RNF122: variants seen among roughly 807,000 people sequenced by gnomAD.
RNF122 encodes ring finger protein 122.
A neutral mutation model predicts 24.2 loss-of-function variants in RNF122; 17 were observed. The ratio of observed to expected loss-of-function variants is 0.70; its 90% CI spans 0.48 to 1.06. The LOEUF is 1.06. RNF122 is among the 50% of genes least tolerant of loss of function. RNF122 has a pLI of 0.00. For missense variants in RNF122, 168 were observed against 198.1 expected (o/e 0.85, Z 0.91); for synonymous variants, 65 against 71.8 (o/e 0.91, Z 0.48).
chr8:33,551,245 G>A, intron 3 of RNF122, 99 bp downstream of exon 3: 1 of 1,516,470 alleles, frequency 6.6e-7, no homozygotes, highest in East Asian at 2.3e-5. Flanking sequence ...GGTGAGGCCA[G>A]GGGGATTCCT....
intron 2 of RNF122, among the ~76,000 whole-genome samples, chr8:33,551,739 G>A (rs888682227): frequency 6.6e-6 from 1 of 152,180 alleles, no homozygotes; most frequent in Admixed American, 6.5e-5. Flanking sequence ...TTTACTGAGT[G>A]TGCGGAAGTT....
chr8:33,558,703 C>G lies in RNF122; in HGVS notation c.94G>C (p.Asp32His), dbSNP rs75557466. The G allele has an allele frequency of 2.5e-4, 405 of 1,612,546 alleles. 1 individual carries two copies. The African/African-American group carries it at 5.2e-3, about 21-fold the overall frequency. ...ACCATATAGATGTTGAGCGGAAGGT[C>G]CTGGAAACTGATGGGTGGCATCGAG... ...SCSMPPISFQ[D>H]LPLNIYMVIF... The change falls in exon 2 of 6, where the codon GAC (aspartate) becomes CAC (histidine). Residue 32 changes from aspartate (D) to histidine (H), a missense_variant. Coordinates refer to ENST00000256257, the MANE Select transcript of RNF122 (RefSeq NM_024787.3).
chr8:33,556,452 T>C (rs1183180885), intron 2 of RNF122, among the ~76,000 whole-genome samples: 6 of 152,134 alleles, frequency 3.9e-5, no homozygotes, highest in Admixed American at 3.9e-4. Context: ...TTGGCATGTG[T>C]ATGCTTCTGT....
chr8:33,563,192 G>A (rs564063247), intron 1 of RNF122, among the ~76,000 whole-genome samples: 4 of 151,554 alleles, frequency 2.6e-5, no homozygotes, highest in South Asian at 2.1e-4. Context: ...TCCAGTGTCC[G>A]GCCTAGCCTA....
intron 5 of RNF122, among the ~76,000 whole-genome samples, 181 bp downstream of exon 5, chr8:33,549,229 A>AAAAAAAAAAAAAG (rs1220867033): frequency 6.6e-6 from 1 of 152,068 alleles, no homozygotes; most frequent in African/African-American, 2.4e-5. Context: ...CTCAAAAAAA[A>AAAAAAAAAAAAAG]AAGAAGAATA....
At chr8:33,551,455 G>C in intron 2 of RNF122, 66 bp from the exon 3 acceptor site, 2 of 1,558,060 alleles carry the variant, frequency 1.3e-6, no homozygotes, top group Non-Finnish European at 8.8e-7. Flanking sequence ...AGGAGAGGCT[G>C]GCTGGCTGCT....
rs766310763 is a variant in RNF122 at position 33,549,495 on chromosome 8, G to A, written c.271-3C>T. The A allele has an allele frequency of 1.9e-6, 3 of 1,612,638 alleles. No individual in the cohort carries two copies. Among genetic ancestry groups the A allele is most frequent in the Non-Finnish European group, 2.5e-6 (3 of 1,178,672 alleles). ...TCCAGACAGACTGCGCAGGTCTGCT[G>A]CAGAGAGAAAAGAGCAGGTGTGTGA... On this transcript the variant is annotated splice_region_variant and splice_polypyrimidine_tract_variant and intron_variant, in intron 4 of 5. Coordinates refer to ENST00000256257, the MANE Select transcript of RNF122 (RefSeq NM_024787.3).
In RNF122 at chr8:33,551,382, G is replaced by A. The variant is rs1222433414; in HGVS notation, c.190C>T (p.Arg64Trp). ...IFCCYFISKL[R>W]NQAQSERYGY... The stretch of plus-strand genomic sequence containing the variant: ...TATCGCTCACTCTGTGCCTGGTTCC[G>A]CAGTTTGCTGGGAGAAAGAGAAAAA... The change falls in exon 3 of 6, where the codon CGG becomes TGG. Residue 64 changes from arginine to tryptophan, a missense_variant. Physicochemically the swap from Arg to Trp is moderately radical, Grantham distance 101 (BLOSUM62 -3). Transcript: ENST00000256257. 26 of 1,613,964 alleles carry A rather than the reference G, an allele frequency of 1.6e-5. No individual in the cohort carries two copies. The highest frequency in any genetic ancestry group is 2.2e-5 in the East Asian group (1 of 44,900).
At chr8:33,549,318 G>T in intron 5 of RNF122, 92 bp downstream of exon 5, 1 of 1,014,144 alleles carries the variant, frequency 9.9e-7, no homozygotes, top group Non-Finnish European at 1.6e-6. Context: ...CGGATAAGGG[G>T]CAAATAGAAA....
chr8:33,551,466 T>C (rs1810374559), intron 2 of RNF122, 77 bp from the exon 3 acceptor site: 2 of 1,504,642 alleles, frequency 1.3e-6, no homozygotes, highest in Non-Finnish European at 1.8e-6. Flanking sequence ...GCTGGCTGCT[T>C]GGGCATTCTT....
intron 1 of RNF122, 135 bp downstream of exon 1, chr8:33,566,564 C>T: frequency 2.3e-6 from 2 of 860,054 alleles, no homozygotes; most frequent in Non-Finnish European, 3.7e-6. Context: ...GGCGCCAAGA[C>T]GCCTTCTCGA....
Position 33,563,852 on chromosome 8 carries a change from T to C in RNF122, c.25+2847A>G, listed in dbSNP as rs1333246948. Among the ~76,000 whole-genome samples the C allele has an allele frequency of 2.6e-5, 4 of 152,162 alleles. No homozygotes were observed. The South Asian group carries it at 6.2e-4, about 24-fold the overall frequency. ...AGTTCTGGGAACTTGCAGAACCTGG[T>C]CAGAGCTATTACAGAGGATATCTGT... On this transcript the variant is annotated intron_variant, in intron 1 of 5. Coordinates refer to ENST00000256257, the MANE Select transcript of RNF122 (RefSeq NM_024787.3).
chr8:33,549,421 G>C lies in RNF122; in HGVS notation c.342C>G (p.Ala114=). 1 of 1,613,858 alleles carries C rather than the reference G, an allele frequency of 6.2e-7. No individual in the cohort carries two copies. The highest frequency in any genetic ancestry group is 2.2e-5 in the East Asian group (1 of 44,864). Residue 114 remains alanine (A), a synonymous_variant, in exon 5 of 6, where the codon GCC becomes GCG. Coordinates refer to ENST00000256257, the MANE Select transcript of RNF122 (RefSeq NM_024787.3). ...DELGVLPCQH[A]FHRKCLVKWL... ...ACATTCCCACGTACTTGCGGTGAAA[G>C]GCGTGTTGGCACGGGAGCACGCCTA...
chr8:33,557,819 T>G (rs538876501), intron 2 of RNF122, among the ~76,000 whole-genome samples: 34 of 137,148 alleles, frequency 2.5e-4, no homozygotes, highest in African/African-American at 9.1e-4. Flanking sequence ...TTTTCCACTC[T>G]CAAAAATAAG....
Position 33,549,406 on chromosome 8 carries a change from G to C in RNF122, c.353+4C>G. ...ACGGGCACCCTGGACACATTCCCAC[G>C]TACTTGCGGTGAAAGGCGTGTTGGC... On this transcript the variant is annotated splice_donor_region_variant and intron_variant, in intron 5 of 5. Coordinates refer to ENST00000256257, the MANE Select transcript of RNF122 (RefSeq NM_024787.3). 2 of 1,612,482 alleles carry C rather than the reference G, an allele frequency of 1.2e-6. No individual in the cohort carries two copies. The highest frequency in any genetic ancestry group is 1.7e-6 in the Non-Finnish European group (2 of 1,178,536).
Position 33,551,037 on chromosome 8 carries a change from C to T in RNF122, c.270+7G>A, listed in dbSNP as rs1447750792. ...GGCCCTCCTGCACACTTTCCTGGCA[C>T]ACTTACCCCATATAATTGTAACTTC... On this transcript the variant is annotated splice_region_variant and intron_variant, in intron 4 of 5. Transcript: ENST00000256257. 5 of 1,613,920 alleles carry T rather than the reference C, an allele frequency of 3.1e-6. No homozygotes were observed. The highest frequency in any genetic ancestry group is 3.4e-6 in the Non-Finnish European group (4 of 1,179,932).
At chr8:33,554,915 G>C (rs74782031) in intron 2 of RNF122, among the ~76,000 whole-genome samples, 3,938 of 152,308 alleles carry the variant, frequency 0.026, 107 homozygotes, top group East Asian at 0.15. Flanking sequence ...CAGGTCAGAA[G>C]TGGGGCCTAT....
At chr8:33,554,232 G>C (rs879491391) in intron 2 of RNF122, among the ~76,000 whole-genome samples, 20 of 152,256 alleles carry the variant, frequency 1.3e-4, no homozygotes, top group Middle Eastern at 3.4e-3. Context: ...CTGTTATGAG[G>C]CACGTGCAGA....
chr8:33,554,795 T>A (rs1485384490), intron 2 of RNF122, among the ~76,000 whole-genome samples: 1 of 152,224 alleles, frequency 6.6e-6, no homozygotes, highest in African/African-American at 2.4e-5. Flanking sequence ...AATGTTTCCC[T>A]TCCTGCCTAT....
Sources: gnomAD v4.1 joint callset for allele counts (sites outside exome capture counted in the v4.1 genomes callset) on GRCh38, gnomAD v4.1.1 for gene constraint, MANE v1.5 for transcripts, NCBI Gene and HGNC (gene_info 2026-07-23, HGNC 2026-07-21) for gene names.